Variants in GRID2IP observed in about 807,000 individuals in gnomAD.
GRID2IP encodes the protein Grid2 interacting protein.
In GRID2IP, 78 loss-of-function variants were observed where a neutral mutation model predicts 114.3. That is an observed-to-expected ratio of 0.68 (90% confidence interval 0.57 to 0.82). GRID2IP has a LOEUF of 0.82. GRID2IP is among the 40% of genes least tolerant of loss of function. The pLI is 0.00. For missense variants in GRID2IP, 1,727 were observed against 1,678.5 expected (o/e 1.03, Z -0.51); for synonymous variants, 809 against 724.0 (o/e 1.12, Z -1.89).
At chr7:6,539,554 C>G (rs1779780803) in intron 2 of GRID2IP, among the ~76,000 whole-genome samples, 164 bp downstream of exon 2, 2 of 152,134 alleles carry the variant, frequency 1.3e-5, no homozygotes, top group Non-Finnish European at 2.9e-5. Context: ...CATTGGCCTA[C>G]CCTTGTTTGG....
intron 18 of GRID2IP, 67 bp from the exon 19 acceptor site, chr7:6,502,185 T>C: frequency 1.4e-6 from 2 of 1,431,716 alleles, no homozygotes; most frequent in Non-Finnish European, 1.9e-6. Context: ...TGGGCCCAGC[T>C]TCTCCTGGAC....
At position 6,528,429 on chromosome 7, in the gene GRID2IP, A is replaced by G. The variant is rs1779557145; in HGVS notation, c.585-1660T>C. 6.6e-6 allele frequency among the ~76,000 whole-genome samples: 1 copy of G among 152,222 alleles called. No homozygotes were observed. The highest frequency in any genetic ancestry group is 1.5e-5 in the Non-Finnish European group (1 of 68,040). ...CGGTTACACAGCTGGCCTGTGGCAC[A>G]GCTGGCATCAGAGAACAGACTTCAG... is the stretch of plus-strand genomic sequence containing the variant. On this transcript the variant is annotated intron_variant, in intron 2 of 21. Coordinates refer to ENST00000457091, the MANE Select transcript of GRID2IP (RefSeq NM_001145118.2). The surrounding 1 kb of genome is among the most constrained non-coding windows in gnomAD (Gnocchi z 6.0).
Position 6,503,526 on chromosome 7 carries a change from C to T in GRID2IP, c.2872G>A (p.Gly958Ser), listed in dbSNP as rs1052207074. ...AACTGGTCCGGCTCGCTGAGGCGGC[C>T]GGGCGCCTCGCGGAAGGCCTGGTAG... Reference protein sequence around the residue: ...QRYQAFREAPGRLSEPDQFVL... With the variant: ...QRYQAFREAPSRLSEPDQFVL... Residue 958 changes from glycine (G) to serine (S), a missense_variant, in exon 16 of 22, where the codon GGC becomes AGC. Gly to Ser is a moderately conservative substitution (Grantham distance 56, BLOSUM62 0). Coordinates refer to ENST00000457091, the MANE Select transcript of GRID2IP (RefSeq NM_001145118.2). 2.0e-6 allele frequency: 3 copies of T among 1,525,850 alleles called. No individual in the cohort carries two copies. Among genetic ancestry groups the T allele is most frequent in the Admixed American group, 4.0e-5 (2 of 50,392 alleles). The allele number at this position is 1,525,850 out of a possible 1,614,324, so 94.5% of individuals were successfully genotyped here. A position where few individuals can be genotyped will look rare whatever the true frequency, so the allele number is the denominator to read the frequency against.
Position 6,503,515 on chromosome 7 carries a change from G to A in GRID2IP, c.2883C>T (p.Ser961=), listed in dbSNP as rs764875161. Reference sequence around the variant, plus strand: ...CCTGCAGGACGAACTGGTCCGGCTCGCTGAGGCGGCCGGGCGCCTCGCGGA... The same window carrying A: ...CCTGCAGGACGAACTGGTCCGGCTCACTGAGGCGGCCGGGCGCCTCGCGGA... ...QAFREAPGRL[S]EPDQFVLQML... Residue 961 remains serine (S), a synonymous_variant, in exon 16 of 22, where the codon AGC becomes AGT. Transcript: ENST00000457091. The A allele has an allele frequency of 4.6e-6, 7 of 1,525,618 alleles. No homozygotes were observed. In the South Asian group the frequency reaches 8.4e-5, roughly 18 times the overall value. The allele number at this position is 1,525,618 out of a possible 1,614,324, so 94.5% of individuals were successfully genotyped here. A position where few individuals can be genotyped will look rare whatever the true frequency, so the allele number is the denominator to read the frequency against.
chr7:6,541,655 G>A (rs909428219), intron 1 of GRID2IP, among the ~76,000 whole-genome samples: 17 of 152,166 alleles, frequency 1.1e-4, no homozygotes, highest in Non-Finnish European at 1.8e-4. Context: ...GGAAACGAGC[G>A]TGCAAATGCA....
intron 1 of GRID2IP, among the ~76,000 whole-genome samples, chr7:6,550,014 G>A (rs561648009): frequency 1.3e-5 from 2 of 149,206 alleles, no homozygotes; most frequent in African/African-American, 4.9e-5. Context: ...TTTTAGAGAT[G>A]CGGTCTCACT....
intron 2 of GRID2IP, among the ~76,000 whole-genome samples, chr7:6,537,395 T>TTTTTTA (rs1491035071): frequency 8.8e-6 from 1 of 114,080 alleles, no homozygotes; most frequent in African/African-American, 2.9e-5. Context: ...TTTTTTTTTT[T>TTTTTTA]GAGACAGAGT....
intron 16 of GRID2IP, 43 bp from the exon 17 acceptor site, chr7:6,503,206 G>T: frequency 1.4e-6 from 2 of 1,461,428 alleles, no homozygotes; most frequent in South Asian, 2.8e-5. Flanking sequence ...CCCCTTCCTG[G>T]GACCCTCTGC....
At chr7:6,503,458 C>A in intron 16 of GRID2IP, 33 bp downstream of exon 16, 2 of 1,488,004 alleles carry the variant, frequency 1.3e-6, no homozygotes, top group African/African-American at 1.4e-5. Flanking sequence ...TGGAGCCGGC[C>A]GAGGCCTCGG....
rs1287624764 is a variant in GRID2IP at position 6,530,707 on chromosome 7, C to T, written c.585-3938G>A. Among the ~76,000 whole-genome samples the T allele has an allele frequency of 2.0e-5, 3 of 152,194 alleles. No homozygotes were observed. In the East Asian group the frequency reaches 5.8e-4, roughly 29 times the overall value. ...TGCCCCCCAAACTCAGGACGAGATG[C>T]CCCCGATTTTCACAAGAGCACCCAA... On this transcript the variant is annotated intron_variant, in intron 2 of 21. Transcript: ENST00000457091.
Position 6,521,780 on chromosome 7 carries a change from T to A in GRID2IP, c.989+108A>T. 1 of 840,784 alleles carries A rather than the reference T, an allele frequency of 1.2e-6. No individual in the cohort carries two copies. Among genetic ancestry groups the A allele is most frequent in the Non-Finnish European group, 1.9e-6 (1 of 521,036 alleles). The allele number at this position is 840,784 out of a possible 1,614,324, so 52.1% of individuals were successfully genotyped here. A position where few individuals can be genotyped will look rare whatever the true frequency, so the allele number is the denominator to read the frequency against. On this transcript the variant is annotated intron_variant, in intron 5 of 21. Transcript: ENST00000457091. The surrounding 1 kb of genome is among the most constrained non-coding windows in gnomAD (Gnocchi z 4.1). ...AGAGGGACAGACCCTGGGGACCAAA[T>A]GGTGAGAGGAGATTGTGATCACAGC... is the stretch of plus-strand genomic sequence containing the variant.
At chr7:6,517,364 G>A (rs1205744578) in intron 7 of GRID2IP, among the ~76,000 whole-genome samples, 1 of 151,842 alleles carries the variant, frequency 6.6e-6, no homozygotes, top group Admixed American at 6.6e-5. Context: ...GCCGTCTTGT[G>A]TCTTTATTTC....
chr7:6,500,445 C>T (rs138750185), intron 20 of GRID2IP, among the ~76,000 whole-genome samples: 8,907 of 152,262 alleles, frequency 0.058, 403 homozygotes, highest in East Asian at 0.23. Flanking sequence ...GCCTGGGCAA[C>T]AGAGCGAGAC....
Position 6,497,065 on chromosome 7 carries a change from T to C in GRID2IP, c.*709A>G, listed in dbSNP as rs1442354515. 1.3e-5 allele frequency among the ~76,000 whole-genome samples: 2 copies of C among 152,152 alleles called. No homozygotes were observed. The highest frequency in any genetic ancestry group is 4.8e-5 in the African/African-American group (2 of 41,428). On this transcript the variant is annotated 3_prime_UTR_variant, in exon 22 of 22. Coordinates refer to ENST00000457091, the MANE Select transcript of GRID2IP (RefSeq NM_001145118.2). ...CACCAGATCCTGCTCACCTCCTGCC[T>C]CAACACCTCCCCATTCTGTCTGCTC...
In GRID2IP at chr7:6,534,510, T is replaced by G. The variant is rs1473212830; in HGVS notation, c.584+5208A>C. ...AGGAATAGGAGACCACCTGCTTACA[T>G]GGTGACCACGGACCCATCTCACCCT... On this transcript the variant is annotated intron_variant, in intron 2 of 21. Transcript: ENST00000457091. The surrounding 1 kb of genome is among the most constrained non-coding windows in gnomAD (Gnocchi z 4.5). Among the ~76,000 whole-genome samples the G allele has an allele frequency of 6.6e-6, 1 of 152,150 alleles. No homozygotes were observed. The highest frequency in any genetic ancestry group is 1.5e-5 in the Non-Finnish European group (1 of 68,036).
chr7:6,530,688 C>G (rs1779605575), intron 2 of GRID2IP, among the ~76,000 whole-genome samples: 1 of 152,172 alleles, frequency 6.6e-6, no homozygotes, highest in Non-Finnish European at 1.5e-5. Context: ...GTCGTGCCCC[C>G]CAAACTCAGG....
intron 4 of GRID2IP, among the ~76,000 whole-genome samples, chr7:6,525,332 T>A (rs1302715330): frequency 4.6e-5 from 7 of 151,520 alleles, no homozygotes; most frequent in African/African-American, 1.2e-4. Context: ...AATAAAATTT[T>A]AAAAATAGGC....
rs1433813707 is a variant in GRID2IP, at chr7:6,528,729, G to A, written c.585-1960C>T. On this transcript the variant is annotated intron_variant, in intron 2 of 21. Coordinates refer to ENST00000457091, the MANE Select transcript of GRID2IP (RefSeq NM_001145118.2). This position sits in a 1 kb window ranked among gnomAD's most constrained non-coding sequence, Gnocchi z 6.0. ...GGCAAAAGAAATTGCCTGGTGGGAG[G>A]AAGTGGGTGTGGATTCTCAGGGAGG... Among the ~76,000 whole-genome samples, 5 of 152,226 alleles carry A rather than the reference G, an allele frequency of 3.3e-5. No homozygotes were observed. The highest frequency in any genetic ancestry group is 2.6e-4 in the Admixed American group (4 of 15,294).
chr7:6,521,011 C>T lies in GRID2IP; in HGVS notation c.1085-250G>A, dbSNP rs747697289. Among the ~76,000 whole-genome samples the T allele has an allele frequency of 9.2e-5, 14 of 152,194 alleles. No individual in the cohort carries two copies. Among genetic ancestry groups the T allele is most frequent in the Non-Finnish European group, 1.9e-4 (13 of 68,028 alleles). On this transcript the variant is annotated intron_variant, in intron 6 of 21. Transcript: ENST00000457091. The surrounding 1 kb of genome is among the most constrained non-coding windows in gnomAD (Gnocchi z 4.1). Reference sequence around the variant, plus strand: ...TTTGAGACAGAGTCTTGCTCTGTTGCCCAGGCGGGAGTGCAATGGCGTGAT... The same window carrying T: ...TTTGAGACAGAGTCTTGCTCTGTTGTCCAGGCGGGAGTGCAATGGCGTGAT...
Sources: gnomAD v4.1 joint callset for allele counts (sites outside exome capture counted in the v4.1 genomes callset) on GRCh38, gnomAD v4.1.1 for gene constraint, Gnocchi (gnomAD v3.1) non-coding constraint, MANE v1.5 for transcripts, NCBI Gene and HGNC (gene_info 2026-07-23, HGNC 2026-07-21) for gene names.